Variants in ZNF713 observed in about 807,000 individuals in gnomAD.
ZNF713 encodes the protein zinc finger protein 713.
A neutral mutation model predicts 28.7 loss-of-function variants in ZNF713; 21 were observed. The ratio of observed to expected loss-of-function variants is 0.73; its 90% CI spans 0.52 to 1.05. The LOEUF is 1.05. ZNF713 is among the 50% of genes least tolerant of loss of function. ZNF713 has a pLI of 0.00. For synonymous variants in ZNF713, 167 were observed against 178.0 expected, an observed-to-expected ratio of 0.94 and a Z score of 0.49; for missense variants, 458 against 532.4, an observed-to-expected ratio of 0.86 and a Z score of 1.37.
chr7:55,926,592 G>A (rs1209694637), intron 6 of ZNF713, among the ~76,000 whole-genome samples: 1 of 152,086 alleles, frequency 6.6e-6, no homozygotes, highest in African/African-American at 2.4e-5. Context: ...GCCCACTAGG[G>A]TACTGCATGC....
intron 4 of ZNF713, 30 bp from the exon 5 acceptor site, chr7:55,923,132 G>A: frequency 6.3e-7 from 1 of 1,585,192 alleles, no homozygotes; most frequent in Admixed American, 1.9e-5. Flanking sequence ...AACCGTTTTT[G>A]CCTGAGCAGG....
intron 4 of ZNF713, among the ~76,000 whole-genome samples, chr7:55,922,146 C>G (rs1225965288): frequency 6.7e-6 from 1 of 149,564 alleles, no homozygotes; most frequent in African/African-American, 2.5e-5. Flanking sequence ...AGGCTGGTCT[C>G]AAACTCCTGA....
intron 4 of ZNF713, among the ~76,000 whole-genome samples, chr7:55,915,296 A>G (rs1785859886): frequency 1.3e-5 from 2 of 152,226 alleles, no homozygotes; most frequent in Admixed American, 6.5e-5. Flanking sequence ...CATTCACTCA[A>G]TAAATATTTT....
chr7:55,920,756 CTTTA>C (rs139275645), intron 4 of ZNF713, among the ~76,000 whole-genome samples: 48,096 of 148,808 alleles, frequency 0.32, 8,566 homozygotes, highest in African/African-American at 0.47. Context: ...CCATCTAGGA[CTTTA>C]TTTATTTATT....
At chr7:55,891,569 T>G (rs1306753748) in intron 1 of ZNF713, among the ~76,000 whole-genome samples, 1 of 152,000 alleles carries the variant, frequency 6.6e-6, no homozygotes, top group African/African-American at 2.4e-5. Flanking sequence ...GGTGCGCACC[T>G]GTGGTCCCAG....
In ZNF713 at chr7:55,941,135, C is replaced by A. The variant is rs1186559925; in HGVS notation, c.*1129C>A. 3 of 147,260 alleles carry A rather than the reference C, an allele frequency of 2.0e-5. No homozygotes were observed. The highest frequency in any genetic ancestry group is 3.0e-5 in the Non-Finnish European group (2 of 66,912). 9.1% of individuals were successfully genotyped at this position (147,260 alleles called of 1,614,324 possible). A position where few individuals can be genotyped will look rare whatever the true frequency, so the allele number is the denominator to read the frequency against. ...GCACCTGGCAGGTTATGGTATAAAACTTTTAAATCAGAAATTTTGATTAAT... is the reference window on the plus strand; with the variant it reads ...GCACCTGGCAGGTTATGGTATAAAAATTTTAAATCAGAAATTTTGATTAAT... On this transcript the variant is annotated 3_prime_UTR_variant, in exon 7 of 7. Coordinates refer to ENST00000429591, the MANE Select transcript of ZNF713 (RefSeq NM_182633.3).
Position 55,897,248 on chromosome 7 carries a change from C to CT in ZNF713, c.-582-8993dup, listed in dbSNP as rs925691137. ...GATATGTACATAGTCTTTTTTCTTT[C>CT]TTTTTTTTTTTTCTTTTTTTGAGAC... On this transcript the variant is annotated intron_variant, in intron 1 of 6. Transcript: ENST00000429591. Among the ~76,000 whole-genome samples the CT allele has an allele frequency of 5.9e-3, 856 of 144,306 alleles. 8 individuals are homozygous for CT. Among genetic ancestry groups the CT allele is most frequent in the African/African-American group, 0.016 (627 of 39,554 alleles). The allele number at this position is 144,306 out of a possible 152,430, so 94.7% of individuals were successfully genotyped here. A position where few individuals can be genotyped will look rare whatever the true frequency, so the allele number is the denominator to read the frequency against.
intron 6 of ZNF713, among the ~76,000 whole-genome samples, chr7:55,931,731 G>A (rs1365667781): frequency 6.6e-6 from 1 of 152,178 alleles, no homozygotes; most frequent in African/African-American, 2.4e-5. Flanking sequence ...GCCTGAGCAG[G>A]GGAAACATCT....
chr7:55,898,023 C>T (rs950087441), intron 1 of ZNF713, among the ~76,000 whole-genome samples: 3 of 152,196 alleles, frequency 2.0e-5, no homozygotes, highest in African/African-American at 7.2e-5. Context: ...GAACTTTAAA[C>T]CCCAACCCCA....
In ZNF713 at chr7:55,939,151, C is replaced by T; in HGVS notation, c.477C>T (p.Asn159=). 1 of 1,613,944 alleles carries T rather than the reference C, an allele frequency of 6.2e-7. No individual in the cohort carries two copies. The highest frequency in any genetic ancestry group is 8.5e-7 in the Non-Finnish European group (1 of 1,179,978). The change falls in exon 7 of 7, where the codon AAC becomes AAT. Residue 159 remains asparagine (N), a synonymous_variant. Coordinates refer to ENST00000429591, the MANE Select transcript of ZNF713 (RefSeq NM_182633.3). ...FDYHPEFNQE[N]HKRYLGQVTL... is the part of the protein sequence containing the mutation. ...ACCATCCAGAGTTTAACCAAGAAAA[C>T]CACAAGAGATATTTAGGACAAGTAA...
intron 4 of ZNF713, among the ~76,000 whole-genome samples, chr7:55,917,554 G>A (rs1045300394): frequency 1.3e-5 from 2 of 151,028 alleles, no homozygotes; most frequent in South Asian, 2.1e-4. Context: ...ACAAAAATTA[G>A]CTGGGGGACT....
chr7:55,920,270 G>A (rs1785969887), intron 4 of ZNF713, among the ~76,000 whole-genome samples: 1 of 152,232 alleles, frequency 6.6e-6, no homozygotes, highest in Non-Finnish European at 1.5e-5. Flanking sequence ...CATGTCGAAT[G>A]CATTTGAAAT....
chr7:55,893,641 G>A (rs899518686), intron 1 of ZNF713, among the ~76,000 whole-genome samples: 1 of 152,008 alleles, frequency 6.6e-6, no homozygotes, highest in African/African-American at 2.4e-5. Flanking sequence ...GTACAGTGTC[G>A]CGATCTTGGC....
At chr7:55,898,937 T>C (rs763971426) in intron 1 of ZNF713, among the ~76,000 whole-genome samples, 2 of 152,164 alleles carry the variant, frequency 1.3e-5, no homozygotes, top group Non-Finnish European at 1.5e-5. Context: ...GAATGGCTTA[T>C]TATCAAAAAG....
chr7:55,908,479 C>T (rs1785726317), intron 2 of ZNF713, among the ~76,000 whole-genome samples: 1 of 152,070 alleles, frequency 6.6e-6, no homozygotes. Context: ...CATAGCCATT[C>T]TGACTGGTGT....
At chr7:55,909,758 T>G (rs1785749792) in intron 2 of ZNF713, among the ~76,000 whole-genome samples, 2 of 152,166 alleles carry the variant, frequency 1.3e-5, no homozygotes, top group African/African-American at 2.4e-5. Context: ...TTTCACATCT[T>G]TGGTTAAATG....
chr7:55,897,085 T>C (rs981378040), intron 1 of ZNF713, among the ~76,000 whole-genome samples: 5 of 152,182 alleles, frequency 3.3e-5, no homozygotes, highest in African/African-American at 4.8e-5. Flanking sequence ...GAAGCAGTTT[T>C]TCCTTATGGA....
intron 1 of ZNF713, among the ~76,000 whole-genome samples, chr7:55,894,656 A>G (rs1007394415): frequency 6.6e-6 from 1 of 152,182 alleles, no homozygotes; most frequent in Non-Finnish European, 1.5e-5. Flanking sequence ...TAAGGAACTA[A>G]TCAGGCAAAA....
chr7:55,890,746 G>C (rs996407881), intron 1 of ZNF713, among the ~76,000 whole-genome samples: 7 of 152,100 alleles, frequency 4.6e-5, no homozygotes, highest in African/African-American at 1.4e-4. Context: ...GAGGCTGGAC[G>C]TGGTGGCTTA....
Sources: gnomAD v4.1 joint callset for allele counts (sites outside exome capture counted in the v4.1 genomes callset) on GRCh38, gnomAD v4.1.1 for gene constraint, MANE v1.5 for transcripts, NCBI Gene and HGNC (gene_info 2026-07-23, HGNC 2026-07-21) for gene names.